The following C16orf74 variants were observed in gnomAD, a reference collection of about 807,000 sequenced individuals.
C16orf74 encodes the protein uncharacterized protein C16orf74.
C16orf74 carries 10 observed loss-of-function variants against 6.5 expected under a neutral mutation model. The observed-to-expected ratio is 1.54, with a 90% confidence interval of 0.95 to 2.61. The LOEUF is 2.61. C16orf74 is among the 30% of genes most tolerant of loss of function. The probability of loss-of-function intolerance (pLI) is 0.00; values close to 1 mark genes in which losing one functional copy is unlikely to be tolerated. For missense variants in C16orf74, 141 were observed against 105.9 expected (o/e 1.33, Z -1.45); for synonymous variants, 60 against 42.5 (o/e 1.41, Z -1.60).
chr16:85,713,017 C>T (rs2053985679), intron 2 of C16orf74, among the ~76,000 whole-genome samples: 1 of 152,282 alleles, frequency 6.6e-6, no homozygotes, highest in South Asian at 2.1e-4. Context: ...GGGGTTGCCA[C>T]AACAAAGCAC....
At chr16:85,732,447 C>G (rs2054199146) in intron 2 of C16orf74, among the ~76,000 whole-genome samples, 1 of 152,036 alleles carries the variant, frequency 6.6e-6, no homozygotes, top group Non-Finnish European at 1.5e-5. Flanking sequence ...AGGAGGATCA[C>G]TTGAGGTCAG....
At chr16:85,742,202 G>A (rs555217026) in intron 1 of C16orf74, among the ~76,000 whole-genome samples, 4 of 152,074 alleles carry the variant, frequency 2.6e-5, no homozygotes, top group East Asian at 1.9e-4. Flanking sequence ...GCAAAACCCC[G>A]TCTCTACTAA....
rs1333381798 is a variant in C16orf74, at chr16:85,710,248, C to T, written c.88G>A (p.Asp30Asn). ...ATGTCGGGCACGTCCAGGTGCTTGT[C>T]GTTCAGGACGGGGGCCTCGTCGTGG... ...SSHDEAPVLN[D>N]KHLDVPDIII... Residue 30 changes from aspartate (D) to asparagine (N), a missense_variant, in exon 3 of 4, where the codon GAC becomes AAC. Transcript: ENST00000284245. The T allele has an allele frequency of 5.3e-6, 8 of 1,498,284 alleles. No individual in the cohort carries two copies. The highest frequency in any genetic ancestry group is 1.7e-4 in the Middle Eastern group (1 of 5,770). 92.8% of individuals were successfully genotyped at this position (1,498,284 alleles called of 1,614,324 possible). A position where few individuals can be genotyped will look rare whatever the true frequency, so the allele number is the denominator to read the frequency against.
chr16:85,712,892 C>T (rs757291196), intron 2 of C16orf74, among the ~76,000 whole-genome samples: 26 of 152,158 alleles, frequency 1.7e-4, no homozygotes, highest in Non-Finnish European at 2.8e-4. Flanking sequence ...TGTCCAAAGG[C>T]GTGATTGATG....
At position 85,708,041 on chromosome 16, in the gene C16orf74, G is replaced by C; in HGVS notation, c.198C>G (p.Cys66Trp). Residue 66 changes from cysteine (C) to tryptophan (W), a missense_variant, in exon 4 of 4, where the codon TGC becomes TGG. By Grantham distance (215) the Cys-to-Trp change is radical. Transcript: ENST00000284245. ...CTGGGTCGATTTCTCCATCATCTGGGCACGACCCTGTCTCATCCAGCCAGA... is the reference window on the plus strand; with the variant it reads ...CTGGGTCGATTTCTCCATCATCTGGCCACGACCCTGTCTCATCCAGCCAGA... ...STVWLDETGS[C>W]PDDGEIDPEA 1 of 1,553,400 alleles carries C rather than the reference G, an allele frequency of 6.4e-7. No homozygotes were observed.
intron 2 of C16orf74, among the ~76,000 whole-genome samples, chr16:85,711,941 G>C (rs368551685): frequency 2.0e-5 from 3 of 152,212 alleles, no homozygotes; most frequent in South Asian, 2.1e-4. Flanking sequence ...CTAAGCCCTT[G>C]AGTGTGGATG....
At position 85,707,963 on chromosome 16, in the gene C16orf74, G is replaced by C. The variant is rs187864191; in HGVS notation, c.*45C>G. On this transcript the variant is annotated 3_prime_UTR_variant, in exon 4 of 4. Coordinates refer to ENST00000284245, the MANE Select transcript of C16orf74 (RefSeq NM_206967.3). ...GCCACGCCCCCGGACACCTGAAGCC[G>C]GGCCGCTGGAGCAGGAGCCAGCCAG... 6.2e-5 allele frequency: 95 copies of C among 1,529,914 alleles called. 1 individual carries two copies. The highest frequency in any genetic ancestry group is 7.8e-5 in the Non-Finnish European group (88 of 1,129,384). 94.8% of individuals were successfully genotyped at this position (1,529,914 alleles called of 1,614,324 possible).
intron 1 of C16orf74, among the ~76,000 whole-genome samples, chr16:85,748,941 T>TA (rs2054404880): frequency 3.0e-5 from 4 of 131,634 alleles, no homozygotes; most frequent in African/African-American, 8.2e-5. Context: ...TTTTTTTTTT[T>TA]TTTTTTATTT....
intron 1 of C16orf74, among the ~76,000 whole-genome samples, chr16:85,742,919 C>T (rs1199469394): frequency 6.6e-6 from 1 of 152,202 alleles, no homozygotes; most frequent in Non-Finnish European, 1.5e-5. Context: ...CAGGTGTCAC[C>T]TCACTACTGT....
chr16:85,723,737 G>A (rs1370980506), intron 2 of C16orf74, among the ~76,000 whole-genome samples: 1 of 152,228 alleles, frequency 6.6e-6, no homozygotes, highest in Non-Finnish European at 1.5e-5. Flanking sequence ...GGTGGGGCGT[G>A]CACGTAGCCG....
Position 85,710,255 on chromosome 16 carries a change from G to T in C16orf74, c.81C>A (p.Val27=). 6.6e-7 allele frequency: 1 copy of T among 1,515,358 alleles called. No individual in the cohort carries two copies. The allele number at this position is 1,515,358 out of a possible 1,614,324, so 93.9% of individuals were successfully genotyped here. ...SSSSSHDEAP[V]LNDKHLDVPD... ...GCACGTCCAGGTGCTTGTCGTTCAG[G>T]ACGGGGGCCTCGTCGTGGCTGCTGC... Residue 27 remains valine (V), a synonymous_variant, in exon 3 of 4, where the codon GTC becomes GTA. Coordinates refer to ENST00000284245, the MANE Select transcript of C16orf74 (RefSeq NM_206967.3).
chr16:85,750,810 C>G (rs946378206), intron 1 of C16orf74, 116 bp downstream of exon 1: 2 of 152,068 alleles, frequency 1.3e-5, no homozygotes, highest in Non-Finnish European at 1.5e-5. Context: ...CCGGGCCGCG[C>G]CCCTGCAGCG....
At chr16:85,730,871 T>G (rs1320442694) in intron 2 of C16orf74, among the ~76,000 whole-genome samples, 1 of 106,010 alleles carries the variant, frequency 9.4e-6, no homozygotes, top group Non-Finnish European at 1.8e-5. Flanking sequence ...CAAACCTAAA[T>G]CCCCTAGACA....
chr16:85,717,821 G>A (rs919619353), intron 2 of C16orf74, among the ~76,000 whole-genome samples: 6 of 152,214 alleles, frequency 3.9e-5, no homozygotes, highest in Non-Finnish European at 7.3e-5. Context: ...GGGGCTTGAC[G>A]TGGCTCCAGG....
chr16:85,735,250 C>G lies in C16orf74; in HGVS notation c.-18-15G>C, dbSNP rs2152063978. The G allele has an allele frequency of 6.4e-7, 1 of 1,558,448 alleles. No homozygotes were observed. The highest frequency in any genetic ancestry group is 1.2e-5 in the South Asian group (1 of 83,908). On this transcript the variant is annotated splice_polypyrimidine_tract_variant and intron_variant, in intron 1 of 3. Transcript: ENST00000284245. ...CCTCTGCAGGCCTGTGGAGAGAGGA[C>G]AGCGCTGAGAGAGGGGAGGGCGCGA...
At chr16:85,712,339 A>T (rs2152057864) in intron 2 of C16orf74, among the ~76,000 whole-genome samples, 1 of 152,354 alleles carries the variant, frequency 6.6e-6, no homozygotes, top group East Asian at 1.9e-4. Flanking sequence ...TTGATGTTTA[A>T]GCCACAAAGT....
intron 2 of C16orf74, among the ~76,000 whole-genome samples, chr16:85,715,757 A>T (rs1399243888): frequency 1.3e-5 from 2 of 152,148 alleles, no homozygotes; most frequent in Non-Finnish European, 2.9e-5. Context: ...CTGGCTGCGG[A>T]GGGGAGCTGA....
At chr16:85,724,729 C>G (rs918668638) in intron 2 of C16orf74, among the ~76,000 whole-genome samples, 3 of 152,074 alleles carry the variant, frequency 2.0e-5, no homozygotes, top group East Asian at 3.9e-4. Context: ...AGGGTCAGTC[C>G]GAGGAGGGTC....
intron 2 of C16orf74, among the ~76,000 whole-genome samples, chr16:85,730,423 C>T (rs2054175793): frequency 6.6e-6 from 1 of 152,064 alleles, no homozygotes; most frequent in African/African-American, 2.4e-5. Flanking sequence ...AGAAAGCCTA[C>T]TTTGGTTCTA....
Sources: allele counts gnomAD v4.1 joint callset (sites outside exome capture counted in the v4.1 genomes callset), GRCh38; gene constraint gnomAD v4.1.1; transcripts MANE v1.5; gene names NCBI Gene and HGNC (gene_info 2026-07-23, HGNC 2026-07-21).